DENND2C: variants seen among roughly 807,000 people sequenced by gnomAD.
DENND2C encodes the protein DENN domain containing 2C, also known as DENN domain-containing protein 2C.
Under a neutral mutation model 112.4 loss-of-function variants are expected in DENND2C, and 72 were observed. The ratio of observed to expected loss-of-function variants is 0.64; its 90% CI spans 0.53 to 0.78. The LOEUF is 0.78. DENND2C is among the 30% of genes least tolerant of loss of function. The pLI, the probability that DENND2C is intolerant of heterozygous loss-of-function variation, is 0.00. For missense variants in DENND2C, 992 were observed against 1,113.8 expected (o/e 0.89, Z 1.56); for synonymous variants, 329 against 381.6 (o/e 0.86, Z 1.61).
At chr1:114,602,654 C>T (rs1655544746) in intron 11 of DENND2C, among the ~76,000 whole-genome samples, 1 of 152,106 alleles carries the variant, frequency 6.6e-6, no homozygotes, top group Non-Finnish European at 1.5e-5. Flanking sequence ...CCTTGACCTC[C>T]TGGGGCTCAA....
At chr1:114,627,034 C>T (rs1419561176) in intron 3 of DENND2C, among the ~76,000 whole-genome samples, 2 of 152,152 alleles carry the variant, frequency 1.3e-5, no homozygotes, top group Non-Finnish European at 2.9e-5. Context: ...GCACAGGATT[C>T]CATATACACT....
At chr1:114,587,102 T>C (rs1655059524) in intron 20 of DENND2C, 2 of 317,908 alleles carry the variant, frequency 6.3e-6, no homozygotes, top group South Asian at 4.8e-5. Context: ...TTCACCATGT[T>C]GGACAGGCTA....
intron 3 of DENND2C, among the ~76,000 whole-genome samples, chr1:114,639,288 T>C (rs1242287715): frequency 6.6e-6 from 1 of 152,184 alleles, no homozygotes; most frequent in African/African-American, 2.4e-5. Context: ...TGCTATATGA[T>C]GAAGCCATTT....
intron 16 of DENND2C, among the ~76,000 whole-genome samples, chr1:114,596,593 G>T (rs1459265826): frequency 6.6e-6 from 1 of 152,038 alleles, no homozygotes; most frequent in African/African-American, 2.4e-5. Context: ...ATGAAATTGT[G>T]TCAGGATATC....
At chr1:114,622,867 A>G (rs1656204630) in intron 6 of DENND2C, 120 bp downstream of exon 6, 1 of 619,778 alleles carries the variant, frequency 1.6e-6, no homozygotes, top group African/African-American at 1.9e-5. Flanking sequence ...AACTACCACC[A>G]ACATTAAAAC....
chr1:114,642,568 T>C (rs995067711), intron 3 of DENND2C, among the ~76,000 whole-genome samples: 5 of 152,192 alleles, frequency 3.3e-5, no homozygotes, highest in Admixed American at 6.5e-5. Flanking sequence ...TAATACTTAC[T>C]GAGCACTTAA....
chr1:114,637,459 T>TA (rs1411798181), intron 3 of DENND2C, among the ~76,000 whole-genome samples: 3 of 150,918 alleles, frequency 2.0e-5, no homozygotes, highest in Non-Finnish European at 4.4e-5. Context: ...TAATGTGGAG[T>TA]AAAAAATAAA....
At chr1:114,599,249 A>G (rs967508760) in intron 16 of DENND2C, 25 bp downstream of exon 16, 1 of 1,559,376 alleles carries the variant, frequency 6.4e-7, no homozygotes, top group African/African-American at 1.3e-5. Context: ...ATGCTCCAAT[A>G]TTAGGTTCCA....
At chr1:114,596,380 A>G (rs1039463952) in intron 16 of DENND2C, among the ~76,000 whole-genome samples, 2 of 152,228 alleles carry the variant, frequency 1.3e-5, no homozygotes, top group East Asian at 3.8e-4. Flanking sequence ...AAATAAATGA[A>G]TAAATAAATA....
At chr1:114,641,221 C>G (rs1656827809) in intron 3 of DENND2C, among the ~76,000 whole-genome samples, 1 of 147,930 alleles carries the variant, frequency 6.8e-6, no homozygotes, top group Admixed American at 6.8e-5. Context: ...TTGCTTGAGC[C>G]CAAGAGACCA....
intron 11 of DENND2C, among the ~76,000 whole-genome samples, chr1:114,602,855 T>C (rs1290891166): frequency 6.6e-6 from 1 of 152,148 alleles, no homozygotes; most frequent in Non-Finnish European, 1.5e-5. Context: ...TGAGCCACTG[T>C]GCCTGGCCTT....
At chr1:114,639,621 A>AT (rs1360755899) in intron 3 of DENND2C, among the ~76,000 whole-genome samples, 6 of 149,640 alleles carry the variant, frequency 4.0e-5, no homozygotes, top group Non-Finnish European at 8.9e-5. Context: ...CAGTTATTAT[A>AT]TTTATCAGCT....
At chr1:114,631,576 G>T (rs373513881) in intron 3 of DENND2C, among the ~76,000 whole-genome samples, 2 of 152,038 alleles carry the variant, frequency 1.3e-5, no homozygotes, top group Non-Finnish European at 2.9e-5. Context: ...GAGGTCAGGA[G>T]ATCGAGACCA....
At chr1:114,617,219 T>G (rs1055080004) in intron 8 of DENND2C, among the ~76,000 whole-genome samples, 6 of 152,230 alleles carry the variant, frequency 3.9e-5, no homozygotes, top group Non-Finnish European at 8.8e-5. Context: ...TTGCGTAAGT[T>G]TTTAAGAAAG....
chr1:114,615,317 A>C (rs1025412635), intron 8 of DENND2C, among the ~76,000 whole-genome samples: 8 of 152,226 alleles, frequency 5.3e-5, no homozygotes, highest in Non-Finnish European at 8.8e-5. Flanking sequence ...TGAAGATAAA[A>C]AATACACGGA....
chr1:114,641,407 C>T (rs1656834256), intron 3 of DENND2C, among the ~76,000 whole-genome samples: 1 of 152,150 alleles, frequency 6.6e-6, no homozygotes, highest in Non-Finnish European at 1.5e-5. Flanking sequence ...GAAATCTGAT[C>T]TCCAATGTTG....
intron 18 of DENND2C, among the ~76,000 whole-genome samples, chr1:114,592,398 G>A (rs975910774): frequency 3.3e-5 from 5 of 152,014 alleles, no homozygotes; most frequent in Non-Finnish European, 7.4e-5. Context: ...GAGTGCCTTG[G>A]CTATTCTTGG....
chr1:114,626,850 A>G (rs1447754904), intron 3 of DENND2C, among the ~76,000 whole-genome samples: 2 of 152,078 alleles, frequency 1.3e-5, no homozygotes, highest in Non-Finnish European at 2.9e-5. Flanking sequence ...TTAATGAAAC[A>G]AGGAGCATAT....
intron 1 of DENND2C, among the ~76,000 whole-genome samples, chr1:114,668,619 G>C (rs1194903864): frequency 2.0e-5 from 3 of 151,284 alleles, no homozygotes; most frequent in Non-Finnish European, 4.4e-5. Flanking sequence ...GGCAAACTCA[G>C]AACAGGCCTA....
Sources: allele counts gnomAD v4.1 joint callset (sites outside exome capture counted in the v4.1 genomes callset), GRCh38; gene constraint gnomAD v4.1.1; transcripts MANE v1.5; gene names NCBI Gene and HGNC (gene_info 2026-07-23, HGNC 2026-07-21).